Variants in RAB33B observed in about 807,000 individuals in gnomAD.
RAB33B encodes the protein RAB33B, member RAS oncogene family.
Under a neutral mutation model 15.0 loss-of-function variants are expected in RAB33B, and 6 were observed. The ratio of observed to expected loss-of-function variants is 0.40; its 90% CI spans 0.22 to 0.79. The LOEUF is 0.79. RAB33B is among the 30% of genes least tolerant of loss of function. The probability of loss-of-function intolerance (pLI) is 0.37; values close to 1 mark genes in which losing one functional copy is unlikely to be tolerated. For synonymous variants in RAB33B, 117 were observed against 108.3 expected, an observed-to-expected ratio of 1.08 and a Z score of -0.50; for missense variants, 257 against 296.4, an observed-to-expected ratio of 0.87 and a Z score of 0.98.
the RAB33B span, among the ~76,000 whole-genome samples, chr4:139,444,448 C>T: frequency 6.6e-6 from 1 of 152,168 alleles, no homozygotes; most frequent in African/African-American, 2.4e-5. Context: ...GGAGGCCAGT[C>T]CCCTTGAGGA....
the RAB33B span, among the ~76,000 whole-genome samples, chr4:139,438,626 A>C: frequency 1.3e-5 from 2 of 152,016 alleles, no homozygotes; most frequent in African/African-American, 4.8e-5. Flanking sequence ...GCAAATCAGT[A>C]ATTTGCCTCC....
chr4:139,450,960 G>A (rs1749908009), upstream of RAB33B: 1 of 148,238 alleles, frequency 6.7e-6, no homozygotes, highest in Non-Finnish European at 1.5e-5. Context: ...GAAGTGCAAT[G>A]GCATGATCTT....
intron 1 of RAB33B, among the ~76,000 whole-genome samples, chr4:139,466,718 A>G (rs919381325): frequency 2.0e-5 from 3 of 151,654 alleles, no homozygotes; most frequent in African/African-American, 7.3e-5. Context: ...AGCTGGGACT[A>G]CAGGTGCATG....
chr4:139,446,537 CAAAG>C, the RAB33B span, among the ~76,000 whole-genome samples: 23 of 152,222 alleles, frequency 1.5e-4, no homozygotes, highest in East Asian at 1.3e-3. Flanking sequence ...AAATTGGTGA[CAAAG>C]AAATCTGGGA....
chr4:139,459,739 T>C (rs1457608775), intron 1 of RAB33B, among the ~76,000 whole-genome samples: 2 of 151,846 alleles, frequency 1.3e-5, no homozygotes, highest in African/African-American at 4.8e-5. Flanking sequence ...TTTCAAGCAA[T>C]TCTCCTGCCT....
rs185188867 is a variant in RAB33B at position 139,457,808 on chromosome 4, C to A, written c.249+3364C>A. Among the ~76,000 whole-genome samples the A allele has an allele frequency of 7.1e-3, 1,085 of 152,234 alleles. 7 individuals are homozygous for A. Among genetic ancestry groups the A allele is most frequent in the African/African-American group, 0.024 (1,007 of 41,528 alleles). ...TATCAAGATTTCATGACATGAAAAT[C>A]ATATGAAATTCAAAATTCACCTAGG... is the stretch of plus-strand genomic sequence containing the variant. On this transcript the variant is annotated intron_variant, in intron 1 of 1. Transcript: ENST00000305626.
Position 139,473,281 on chromosome 4 carries a change from G to T in RAB33B, c.*155G>T. ...GCTTTTGTATTTTGTATCTACTTAA[G>T]TTTGTCACTGTGACAACACAGGAAA... is the stretch of plus-strand genomic sequence containing the variant. On this transcript the variant is annotated 3_prime_UTR_variant, in exon 2 of 2. Coordinates refer to ENST00000305626, the MANE Select transcript of RAB33B (RefSeq NM_031296.3). 1 of 707,578 alleles carries T rather than the reference G, an allele frequency of 1.4e-6. No homozygotes were observed. The allele number at this position is 707,578 out of a possible 1,614,324, so 43.8% of individuals were successfully genotyped here. A position where few individuals can be genotyped will look rare whatever the true frequency, so the allele number is the denominator to read the frequency against.
rs2111088016 is a variant in RAB33B at position 139,473,009 on chromosome 4, A to G, written c.573A>G (p.Ile191Met). 2.5e-6 allele frequency: 4 copies of G among 1,614,206 alleles called. No homozygotes were observed. The highest frequency in any genetic ancestry group is 3.4e-6 in the Non-Finnish European group (4 of 1,180,024). ...ATGATAATGACCATGTGGAAGCTAT[A>G]TTTATGACCTTGGCTCATAAGCTTA... ...NPNDNDHVEAIFMTLAHKLKS... is the reference protein window; with the variant it reads ...NPNDNDHVEAMFMTLAHKLKS... Residue 191 changes from isoleucine to methionine, a missense_variant, in exon 2 of 2, where the codon ATA (isoleucine) becomes ATG (methionine). Ile to Met is a conservative substitution (Grantham distance 10, BLOSUM62 1). Coordinates refer to ENST00000305626, the MANE Select transcript of RAB33B (RefSeq NM_031296.3).
Position 139,472,979 on chromosome 4 carries a change from C to T in RAB33B, c.543C>T (p.Asn181=). The part of the protein sequence containing the change: ...SMPLFETSAK[N]PNDNDHVEAI... ...CTTTGTTTGAAACGTCTGCTAAAAA[C>T]CCCAATGATAATGACCATGTGGAAG... Residue 181 remains asparagine (N), a synonymous_variant, in exon 2 of 2, where the codon AAC becomes AAT. Transcript: ENST00000305626. The T allele has an allele frequency of 6.2e-7, 1 of 1,614,156 alleles. No individual in the cohort carries two copies. Among genetic ancestry groups the T allele is most frequent in the Non-Finnish European group, 8.5e-7 (1 of 1,180,024 alleles).
upstream of RAB33B, chr4:139,452,760 T>G (rs1561000973): frequency 6.6e-6 from 1 of 152,240 alleles, no homozygotes; most frequent in Admixed American, 6.5e-5. Context: ...TAAGTTCTAC[T>G]ACTCATCTGT....
At chr4:139,450,371 C>A (rs1749894920), upstream of RAB33B, 1 of 152,230 alleles carries the variant, frequency 6.6e-6, no homozygotes, top group African/African-American at 2.4e-5. Context: ...CTCAGGGTAA[C>A]TGGAATTGTG....
chr4:139,455,774 T>C (rs1750058495), intron 1 of RAB33B, among the ~76,000 whole-genome samples: 1 of 152,190 alleles, frequency 6.6e-6, no homozygotes, highest in Non-Finnish European at 1.5e-5. Flanking sequence ...TAATGGAGCT[T>C]CTGAAGTTCC....
upstream of RAB33B, chr4:139,452,627 A>G (rs1211610322): frequency 1.3e-5 from 2 of 152,238 alleles, no homozygotes; most frequent in Non-Finnish European, 2.9e-5. Flanking sequence ...CCATTTCTAT[A>G]AACTAAGTAA....
chr4:139,455,389 T>A (rs1233182900), intron 1 of RAB33B, among the ~76,000 whole-genome samples: 5 of 152,118 alleles, frequency 3.3e-5, no homozygotes, highest in Non-Finnish European at 5.9e-5. Flanking sequence ...TTTATCTCAG[T>A]CTCTTGGTGG....
intron 1 of RAB33B, among the ~76,000 whole-genome samples, chr4:139,457,872 C>A (rs1212793162): frequency 6.6e-6 from 1 of 152,038 alleles, no homozygotes. Flanking sequence ...GTACTCTCAC[C>A]CCTCTCTTTG....
chr4:139,466,233 T>C (rs1157968647), intron 1 of RAB33B, among the ~76,000 whole-genome samples: 1 of 152,220 alleles, frequency 6.6e-6, no homozygotes, highest in Non-Finnish European at 1.5e-5. Context: ...TAATCATCTT[T>C]TTTTAATTTT....
At chr4:139,464,168 G>C (rs13109567) in intron 1 of RAB33B, among the ~76,000 whole-genome samples, 29,590 of 151,946 alleles carry the variant, frequency 0.19, 3,233 homozygotes, top group Non-Finnish European at 0.25. Context: ...GTGGTCCCAG[G>C]TACTCAGGAG....
chr4:139,468,064 A>T (rs1750325527), intron 1 of RAB33B, among the ~76,000 whole-genome samples: 1 of 148,950 alleles, frequency 6.7e-6, no homozygotes, highest in Non-Finnish European at 1.5e-5. Flanking sequence ...CTCTACGTCC[A>T]TGAGGTGAAT....
chr4:139,474,729 T>A lies in RAB33B; in HGVS notation c.*1603T>A, dbSNP rs536106890. 2 of 152,802 alleles carry A rather than the reference T, an allele frequency of 1.3e-5. No homozygotes were observed. The highest frequency in any genetic ancestry group is 1.3e-4 in the Admixed American group (2 of 15,306). The allele number at this position is 152,802 out of a possible 1,614,324, so 9.5% of individuals were successfully genotyped here. A position where few individuals can be genotyped will look rare whatever the true frequency, so the allele number is the denominator to read the frequency against. On this transcript the variant is annotated 3_prime_UTR_variant, in exon 2 of 2. Transcript: ENST00000305626. ...AACCTAAATACTTTTATTTTGAATT[T>A]AAGTCTTTGCACATAAAATATAGCA...
Sources: gnomAD v4.1 joint callset for allele counts (sites outside exome capture counted in the v4.1 genomes callset) on GRCh38, gnomAD v4.1.1 for gene constraint, MANE v1.5 for transcripts, NCBI Gene and HGNC (gene_info 2026-07-23, HGNC 2026-07-21) for gene names.